PCMT1: variants seen among roughly 807,000 people sequenced by gnomAD.
The protein encoded by PCMT1 is protein-L-isoaspartate (D-aspartate) O-methyltransferase.
A neutral mutation model predicts 29.2 loss-of-function variants in PCMT1; 9 were observed. That is an observed-to-expected ratio of 0.31 (90% CI 0.19 to 0.54). PCMT1 has a LOEUF of 0.54. PCMT1 is among the 20% of genes least tolerant of loss of function. PCMT1 has a pLI of 0.95. For synonymous variants in PCMT1, 98 were observed against 97.5 expected (o/e 1.00, Z -0.03); for missense variants, 184 against 282.2 (o/e 0.65, Z 2.49).
chr6:149,781,087 A>G lies in PCMT1; in HGVS notation c.192+7918A>G, dbSNP rs148934313. ...GTGTCTCATTGTGGTTTTGATTTGC[A>G]TTTCCCTAATGATGAATGATGTTGA... On this transcript the variant is annotated intron_variant, in intron 3 of 7. Coordinates refer to ENST00000464889, the MANE Select transcript of PCMT1 (RefSeq NM_001360452.2). 2.0e-5 allele frequency among the ~76,000 whole-genome samples: 3 copies of G among 150,562 alleles called. No individual in the cohort carries two copies. The East Asian group carries it at 5.8e-4, about 29-fold the overall frequency.
intron 3 of PCMT1, among the ~76,000 whole-genome samples, chr6:149,775,163 A>G (rs547054277): frequency 1.3e-5 from 2 of 152,196 alleles, no homozygotes; most frequent in Non-Finnish European, 2.9e-5. Context: ...AACTTTTCTG[A>G]TTCTCTGCAA....
intron 4 of PCMT1, among the ~76,000 whole-genome samples, chr6:149,792,373 C>T (rs1788407448): frequency 6.6e-6 from 1 of 152,070 alleles, no homozygotes; most frequent in African/African-American, 2.4e-5. Flanking sequence ...AGTGATGACA[C>T]TTAGACAAGA....
chr6:149,773,154 C>T lies in PCMT1; in HGVS notation c.177C>T (p.Ile59=). ...CTTTTGCAGGTTTCCAAGCAACAAT[C>T]AGTGCTCCACACATGGTAAGTTAAG... The part of the protein sequence containing the change: ...SPQSIGFQAT[I]SAPHMHAYAL... Residue 59 remains isoleucine, a synonymous_variant, in exon 3 of 8, where the codon ATC becomes ATT. Transcript: ENST00000464889. The T allele has an allele frequency of 6.2e-7, 1 of 1,610,672 alleles. No individual in the cohort carries two copies. Among genetic ancestry groups the T allele is most frequent in the Non-Finnish European group, 8.5e-7 (1 of 1,177,552 alleles).
At chr6:149,789,138 A>G (rs1331025354) in intron 3 of PCMT1, among the ~76,000 whole-genome samples, 2 of 136,100 alleles carry the variant, frequency 1.5e-5, no homozygotes, top group African/African-American at 5.8e-5. Flanking sequence ...GTGCAGTGGC[A>G]TGATCTCGGA....
chr6:149,792,636 CT>C (rs1268389920), intron 4 of PCMT1, among the ~76,000 whole-genome samples: 12 of 151,910 alleles, frequency 7.9e-5, no homozygotes, highest in African/African-American at 2.7e-4. Flanking sequence ...CCACATCAGC[CT>C]CCTAAGTAGC....
intron 5 of PCMT1, 153 bp from the exon 6 acceptor site, chr6:149,796,251 TAAAATAAAATG>T (rs1788608649): frequency 6.6e-6 from 3 of 451,590 alleles, no homozygotes; most frequent in Non-Finnish European, 4.0e-6. Flanking sequence ...AAACAAAAAA[TAAAATAAAATG>T]AGTTAAAAAC....
At chr6:149,779,061 G>T (rs1394969472) in intron 3 of PCMT1, among the ~76,000 whole-genome samples, 1 of 152,042 alleles carries the variant, frequency 6.6e-6, no homozygotes, top group Non-Finnish European at 1.5e-5. Context: ...CCACTCTGGT[G>T]CGGGGCCCGG....
chr6:149,778,499 G>GAT (rs548069482), intron 3 of PCMT1, among the ~76,000 whole-genome samples: 1 of 151,612 alleles, frequency 6.6e-6, no homozygotes, highest in South Asian at 2.1e-4. Flanking sequence ...AAAGTGCTGG[G>GAT]ATTACAGGCC....
chr6:149,806,762 T>A lies in PCMT1; in HGVS notation c.*38-3854T>A, dbSNP rs532942059. On this transcript the variant is annotated intron_variant, in intron 7 of 7. Transcript: ENST00000464889. ...GTGCCACCATACTCAGCTGATTTTCTTGTTTTTTTTGTAGACAAGGGGTTT... is the reference window on the plus strand; with the variant it reads ...GTGCCACCATACTCAGCTGATTTTCATGTTTTTTTTGTAGACAAGGGGTTT... 2.6e-5 allele frequency among the ~76,000 whole-genome samples: 4 copies of A among 152,140 alleles called. No homozygotes were observed. The East Asian group carries it at 5.8e-4, about 22-fold the overall frequency.
chr6:149,771,260 T>G lies in PCMT1; in HGVS notation c.154T>G (p.Ser52Ala), dbSNP rs1306193380. ...TAACCCATACATGGATTCTCCACAA[T>G]CAATAGGTAAGCTTTAGATTTCTGA... The part of the protein sequence containing the change: ...KCNPYMDSPQ[S>A]IGFQATISAP... The change falls in exon 2 of 8, where the codon TCA (serine) becomes GCA (alanine). Residue 52 changes from serine (S) to alanine (A), a missense_variant. Coordinates refer to ENST00000464889, the MANE Select transcript of PCMT1 (RefSeq NM_001360452.2). 6.4e-7 allele frequency: 1 copy of G among 1,567,172 alleles called. No individual in the cohort carries two copies. Among genetic ancestry groups the G allele is most frequent in the African/African-American group, 1.4e-5 (1 of 73,972 alleles).
At chr6:149,797,982 A>G (rs574802571) in intron 6 of PCMT1, 1 of 152,304 alleles carries the variant, frequency 6.6e-6, no homozygotes, top group South Asian at 2.1e-4. Context: ...CCTGGGCAAC[A>G]TGGCAAAACT....
At chr6:149,759,057 A>T (rs994236721) in intron 1 of PCMT1, among the ~76,000 whole-genome samples, 1 of 152,074 alleles carries the variant, frequency 6.6e-6, no homozygotes, top group Admixed American at 6.6e-5. Flanking sequence ...TTGTATTTTT[A>T]GTAGAGACAG....
At chr6:149,750,682 A>G (rs1786278889) in intron 1 of PCMT1, among the ~76,000 whole-genome samples, 1 of 152,094 alleles carries the variant, frequency 6.6e-6, no homozygotes. Flanking sequence ...AACTTTTTTC[A>G]GGGCTACCAT....
chr6:149,789,289 A>C (rs1788255952), intron 3 of PCMT1, among the ~76,000 whole-genome samples: 1 of 151,612 alleles, frequency 6.6e-6, no homozygotes, highest in African/African-American at 2.4e-5. Context: ...TCTTAGCCAG[A>C]CTGGTCTTGA....
intron 7 of PCMT1, 74 bp from the exon 8 acceptor site, chr6:149,810,542 G>T: frequency 9.2e-7 from 1 of 1,087,432 alleles, no homozygotes; most frequent in Non-Finnish European, 1.4e-6. Context: ...TAATAGTTGT[G>T]TCTAAACTAT....
intron 1 of PCMT1, 36 bp downstream of exon 1, chr6:149,749,992 G>T: frequency 6.3e-7 from 1 of 1,588,710 alleles, no homozygotes; most frequent in African/African-American, 1.3e-5. Context: ...GGGCAGCTGG[G>T]GCAGGCTGGG....
At chr6:149,778,255 GTCTC>G (rs1191365961) in intron 3 of PCMT1, among the ~76,000 whole-genome samples, 1 of 151,444 alleles carries the variant, frequency 6.6e-6, no homozygotes, top group Non-Finnish European at 1.5e-5. Flanking sequence ...TTGAGATGGA[GTCTC>G]TCTCTGTCGC....
chr6:149,804,834 C>T (rs1429304015), intron 7 of PCMT1, among the ~76,000 whole-genome samples: 1 of 152,068 alleles, frequency 6.6e-6, no homozygotes, highest in Non-Finnish European at 1.5e-5. Context: ...CATAGTCTTA[C>T]TGATTTTTTT....
At chr6:149,773,254 G>T in intron 3 of PCMT1, 85 bp downstream of exon 3, 1 of 1,098,976 alleles carries the variant, frequency 9.1e-7, no homozygotes, top group South Asian at 1.3e-5. Context: ...TTTAAAGAAA[G>T]TTGTATCAAT....
Sources: allele counts gnomAD v4.1 joint callset (sites outside exome capture counted in the v4.1 genomes callset), GRCh38; gene constraint gnomAD v4.1.1; transcripts MANE v1.5; gene names NCBI Gene and HGNC (gene_info 2026-07-23, HGNC 2026-07-21).